The following CCAR2 variants were observed in gnomAD, a reference collection of about 807,000 sequenced individuals.
CCAR2 encodes the protein cell cycle and apoptosis regulator protein 2.
Under a neutral mutation model 108.1 loss-of-function variants are expected in CCAR2, and 21 were observed. The observed-to-expected ratio is 0.19, with a 90% CI of 0.14 to 0.28. The LOEUF is 0.28. CCAR2 is among the 10% of genes least tolerant of loss of function. The pLI, the probability that CCAR2 is intolerant of heterozygous loss-of-function variation, is 1.00. For missense variants in CCAR2, 1,126 were observed against 1,177.0 expected, an observed-to-expected ratio of 0.96 and a Z score of 0.63; for synonymous variants, 577 against 472.8, an observed-to-expected ratio of 1.22 and a Z score of -2.86.
At chr8:22,612,942 G>A in intron 7 of CCAR2, 75 bp from the exon 8 acceptor site, 1 of 1,462,582 alleles carries the variant, frequency 6.8e-7, no homozygotes, top group Middle Eastern at 2.3e-4. Flanking sequence ...ATTGTTTCCA[G>A]TTCTTTTAGT....
At chr8:22,612,933 T>C (rs771500661) in intron 7 of CCAR2, 84 bp from the exon 8 acceptor site, 2 of 1,430,056 alleles carry the variant, frequency 1.4e-6, no homozygotes, top group South Asian at 1.3e-5. Context: ...GGGATTTCGA[T>C]TGTTTCCAGT....
At chr8:22,606,721 A>G (rs1361613899) in intron 4 of CCAR2, 23 bp downstream of exon 4, 2 of 1,589,732 alleles carry the variant, frequency 1.3e-6, no homozygotes, top group Non-Finnish European at 8.6e-7. Context: ...TTGGTCCCCT[A>G]ACGGAAATGC....
intron 7 of CCAR2, among the ~76,000 whole-genome samples, chr8:22,611,416 A>AGTGTGTG (rs1801275955): frequency 1.7e-5 from 1 of 58,392 alleles, no homozygotes; most frequent in African/African-American, 6.9e-5. Context: ...ATGTGTGTGT[A>AGTGTGTG]TATATGTGTG....
intron 7 of CCAR2, among the ~76,000 whole-genome samples, chr8:22,611,388 A>ATATGTGTGTGTGTGTGTGTGTGTGTG (rs1554559973): frequency 7.8e-6 from 1 of 128,494 alleles, no homozygotes; most frequent in Non-Finnish European, 1.6e-5. Context: ...AAGTATATAT[A>ATATGTGTGTGTGTGTGTGTGTGTGTG]TGTGTGTGTG....
chr8:22,620,418 T>TTG lies in CCAR2; in HGVS notation c.*737_*738insGT. 2.5e-5 allele frequency: 1 copy of TTG among 39,798 alleles called. No homozygotes were observed. Among genetic ancestry groups the TTG allele is most frequent in the Non-Finnish European group, 4.7e-5 (1 of 21,174 alleles). The allele number at this position is 39,798 out of a possible 1,614,324, so 2.5% of individuals were successfully genotyped here. The stretch of plus-strand genomic sequence containing the variant: ...TTTGACTTTGTATATAAAGTTGGGG[T>TTG]TTTTTTTTTTTTTTTTTGGCTTGTT... On this transcript the variant is annotated 3_prime_UTR_variant, in exon 21 of 21. Transcript: ENST00000308511.
rs7846186 is a variant in CCAR2, at chr8:22,619,729, G to C, written c.*47G>C. 78,142 of 1,545,662 alleles carry C rather than the reference G, an allele frequency of 0.051. 5,439 individuals carry two copies. The highest frequency in any genetic ancestry group is 0.33 in the African/African-American group (24,193 of 73,040). On this transcript the variant is annotated 3_prime_UTR_variant, in exon 21 of 21. Transcript: ENST00000308511. ...TCCTGTGAGGGCAGCGGTGGCGCCC[G>C]GCAAAGTTGGAGCCCTTGCGGTACC...
intron 6 of CCAR2, 80 bp downstream of exon 6, chr8:22,607,405 G>T (rs1801117298): frequency 1.3e-6 from 2 of 1,548,662 alleles, no homozygotes; most frequent in Non-Finnish European, 1.7e-6. Context: ...GCTGCTCTTA[G>T]CATAGAGGTG....
At chr8:22,606,279 C>T (rs1222910237) in intron 3 of CCAR2, 103 bp downstream of exon 3, 1 of 1,037,194 alleles carries the variant, frequency 9.6e-7, no homozygotes, top group Non-Finnish European at 1.5e-6. Context: ...CATTCCTGAT[C>T]CCTCTCCTGG....
intron 14 of CCAR2, among the ~76,000 whole-genome samples, chr8:22,617,105 C>A (rs1237770579): frequency 6.6e-6 from 1 of 151,648 alleles, no homozygotes; most frequent in Non-Finnish European, 1.5e-5. Flanking sequence ...GAACTCCTGA[C>A]CTCAGGAGTG....
At chr8:22,620,988 GAA>G (rs1261099371), downstream of CCAR2, 1 of 157,678 alleles carries the variant, frequency 6.3e-6, no homozygotes, top group Admixed American at 6.3e-5. Context: ...GCCTCTCCCA[GAA>G]AAAAGAGGTT....
At chr8:22,608,437 C>T (rs1229340082) in intron 7 of CCAR2, among the ~76,000 whole-genome samples, 1 of 152,224 alleles carries the variant, frequency 6.6e-6, no homozygotes, top group Non-Finnish European at 1.5e-5. Context: ...AACTAGAACA[C>T]TGCAGTATCT....
chr8:22,608,111 ATTCTCT>A, intron 7 of CCAR2, 46 bp downstream of exon 7: 1 of 1,387,130 alleles, frequency 7.2e-7, no homozygotes, highest in South Asian at 1.2e-5. Context: ...TGACACTAAC[ATTCTCT>A]TTATTTTATT....
chr8:22,612,806 T>G, intron 7 of CCAR2: 1 of 506,550 alleles, frequency 2.0e-6, no homozygotes, highest in Non-Finnish European at 3.4e-6. Context: ...TGTTGCAGAG[T>G]GTGCTTTTTG....
Position 22,618,451 on chromosome 8 carries a change from G to A in CCAR2, c.2176G>A (p.Glu726Lys). The A allele has an allele frequency of 6.2e-7, 1 of 1,614,206 alleles. No homozygotes were observed. Among genetic ancestry groups the A allele is most frequent in the Non-Finnish European group, 8.5e-7 (1 of 1,180,056 alleles). ...TGGCTACTTGCACCGGCGAGACTTA[G>A]AGAGGATCCTCCTTACCCTTGGGAT... The part of the protein sequence containing the change: ...WCGYLHRRDL[E>K]RILLTLGIRL... Residue 726 changes from glutamate to lysine, a missense_variant, in exon 17 of 21, where the codon GAG becomes AAG. Glu to Lys is a moderately conservative substitution (Grantham distance 56). This residue lies in a region of CCAR2 where 1,013 missense variants were observed against 993.9 expected (regional missense o/e 1.02). Transcript: ENST00000308511.
At chr8:22,606,585 C>T (rs771202081) in intron 3 of CCAR2, 22 bp from the exon 4 acceptor site, 7 of 1,598,538 alleles carry the variant, frequency 4.4e-6, no homozygotes, top group Non-Finnish European at 6.0e-6. Context: ...TTTTACTTTT[C>T]AGCTGTCTCC....
intron 10 of CCAR2, 88 bp from the exon 11 acceptor site, chr8:22,614,750 T>TTCATCCTGATGGGTGGCTGCC: frequency 6.4e-7 from 1 of 1,572,030 alleles, no homozygotes; most frequent in Non-Finnish European, 8.7e-7. Context: ...TCCGGCTGCC[T>TTCATCCTGATGGGTGGCTGCC]TCATCCTGAT....
chr8:22,611,404 G>GTGTGTGTGTGTA (rs1427803187), intron 7 of CCAR2, among the ~76,000 whole-genome samples: 1,111 of 105,244 alleles, frequency 0.011, 35 homozygotes, highest in African/African-American at 0.036. Flanking sequence ...GTGTGTGTGT[G>GTGTGTGTGTGTA]TATGTGTGTG....
downstream of CCAR2, chr8:22,621,153 G>A (rs1350414481): frequency 9.1e-6 from 4 of 440,694 alleles, no homozygotes; most frequent in African/African-American, 6.0e-5. Context: ...TCAGGCCGTG[G>A]GCCAGGATGC....
chr8:22,611,075 C>T (rs555046837), intron 7 of CCAR2, among the ~76,000 whole-genome samples: 112 of 151,394 alleles, frequency 7.4e-4, no homozygotes, highest in Non-Finnish European at 1.3e-3. Context: ...AATATAAATA[C>T]GTAGGCCAGG....
Sources: gnomAD v4.1 joint callset for allele counts (sites outside exome capture counted in the v4.1 genomes callset) on GRCh38, gnomAD v4.1.1 for gene constraint, gnomAD v4.1.1 regional missense constraint, MANE v1.5 for transcripts, NCBI Gene and HGNC (gene_info 2026-07-23, HGNC 2026-07-21) for gene names.